The following CAMK2B variants were observed in gnomAD, a reference collection of about 807,000 sequenced individuals.
CAMK2B encodes the protein calcium/calmodulin dependent protein kinase II beta.
In CAMK2B, 27 loss-of-function variants were observed where a neutral mutation model predicts 93.7. The observed-to-expected ratio is 0.29, with a 90% CI of 0.21 to 0.40. The LOEUF is 0.40. Ranked by LOEUF, CAMK2B falls within the 10% of genes least tolerant of loss-of-function variation. The pLI, the probability that CAMK2B is intolerant of heterozygous loss-of-function variation, is 1.00. For synonymous variants in CAMK2B, 374 were observed against 358.8 expected, an observed-to-expected ratio of 1.04 and a Z score of -0.48; for missense variants, 568 against 895.8, an observed-to-expected ratio of 0.63 and a Z score of 4.67.
rs181059056 is a variant in CAMK2B at position 44,251,427 on chromosome 7, G to A, written c.341+3115C>T. On this transcript the variant is annotated intron_variant, in intron 5 of 23. Coordinates refer to ENST00000395749, the MANE Select transcript of CAMK2B (RefSeq NM_001220.5). ...CAAAGCCACCGTGGCCCCAGGCAGG[G>A]CACGAGGCTCACCCAGAAAGAAAGG... 5.3e-5 allele frequency among the ~76,000 whole-genome samples: 8 copies of A among 152,326 alleles called. No homozygotes were observed. The East Asian group carries it at 1.5e-3, about 29-fold the overall frequency.
intron 5 of CAMK2B, among the ~76,000 whole-genome samples, 170 bp downstream of exon 5, chr7:44,254,372 C>T (rs536130554): frequency 1.1e-4 from 17 of 152,198 alleles, no homozygotes; most frequent in Admixed American, 5.2e-4. Flanking sequence ...CTTGGCTCTG[C>T]GCTGAGGTTA....
rs1358996875 is a variant in CAMK2B, at chr7:44,218,590, G to C, written c.*935C>G. The C allele has an allele frequency of 6.6e-6, 1 of 152,360 alleles. No individual in the cohort carries two copies. The highest frequency in any genetic ancestry group is 1.9e-4 in the East Asian group (1 of 5,190). The allele number at this position is 152,360 out of a possible 1,614,324, so 9.4% of individuals were successfully genotyped here. On this transcript the variant is annotated 3_prime_UTR_variant, in exon 24 of 24. Transcript: ENST00000395749. ...CATCTGCTGCTGGCCAGCAGAGAAG[G>C]GACAGACACCTCACACAGGAGGGGG...
chr7:44,268,239 C>CAGG (rs2129050964), intron 2 of CAMK2B: 1 of 152,562 alleles, frequency 6.6e-6, no homozygotes, highest in East Asian at 1.9e-4. Flanking sequence ...CGCTGAAGCG[C>CAGG]AGGGGCTCTC....
At chr7:44,234,320 C>G in intron 15 of CAMK2B, 70 bp downstream of exon 15, 1 of 1,388,690 alleles carries the variant, frequency 7.2e-7, no homozygotes, top group East Asian at 2.5e-5. Flanking sequence ...CCGGCCCCCT[C>G]TGACCAGCGG....
rs2096366614 is a variant in CAMK2B at position 44,219,217 on chromosome 7, T to G, written c.*308A>C. On this transcript the variant is annotated 3_prime_UTR_variant, in exon 24 of 24. Transcript: ENST00000395749. ...AGCACAGACGGACACACGTGGAGCT[T>G]GGGTGGGGAGTGGCCCCACGAATGC... 1 of 151,130 alleles carries G rather than the reference T, an allele frequency of 6.6e-6. No individual in the cohort carries two copies. Among genetic ancestry groups the G allele is most frequent in the Non-Finnish European group, 1.5e-5 (1 of 67,904 alleles). The allele number at this position is 151,130 out of a possible 1,614,324, so 9.4% of individuals were successfully genotyped here.
intron 1 of CAMK2B, among the ~76,000 whole-genome samples, chr7:44,318,051 A>G (rs78664984): frequency 0.011 from 1,745 of 152,318 alleles, 29 homozygotes; most frequent in East Asian, 0.056. Flanking sequence ...GAACCACCAC[A>G]TGGTCATCTT....
chr7:44,226,568 C>T lies in CAMK2B; in HGVS notation c.1545G>A (p.Val515=). 6.8e-7 allele frequency: 1 copy of T among 1,475,786 alleles called. No individual in the cohort carries two copies. The highest frequency in any genetic ancestry group is 8.9e-7 in the Non-Finnish European group (1 of 1,121,344). The allele number at this position is 1,475,786 out of a possible 1,614,324, so 91.4% of individuals were successfully genotyped here. The change falls in exon 20 of 24, where the codon GTG becomes GTA. Residue 515 remains valine, a synonymous_variant. Coordinates refer to ENST00000395749, the MANE Select transcript of CAMK2B (RefSeq NM_001220.5). ...GTPEAEGPSP[V]GPPPCPSPTI... is the part of the protein sequence containing the mutation. ...TCGGAGATGGGCAGGGCGGGGGCCCCACTGGCGAGGGGCCCTCGGCTTCTG... is the reference window on the plus strand; with the variant it reads ...TCGGAGATGGGCAGGGCGGGGGCCCTACTGGCGAGGGGCCCTCGGCTTCTG...
chr7:44,301,311 T>C (rs1040586456), intron 1 of CAMK2B, among the ~76,000 whole-genome samples: 4 of 152,074 alleles, frequency 2.6e-5, no homozygotes, highest in African/African-American at 9.7e-5. Flanking sequence ...TGTTTGTTTG[T>C]TTGTTTTTAG....
At chr7:44,259,720 C>A (rs1240381494) in intron 3 of CAMK2B, 1 of 152,320 alleles carries the variant, frequency 6.6e-6, no homozygotes, top group South Asian at 2.1e-4. Flanking sequence ...AACCTCAAGG[C>A]CTGCTTTTCC....
Position 44,225,947 on chromosome 7 carries a change from C to A in CAMK2B, c.1597+569G>T. On this transcript the variant is annotated intron_variant, in intron 20 of 23. Coordinates refer to ENST00000395749, the MANE Select transcript of CAMK2B (RefSeq NM_001220.5). The surrounding 1 kb of genome is among the most constrained non-coding windows in gnomAD (Gnocchi z 5.0). ...CAGACCGGGAGGTGGCCCAGCCTGG[C>A]TCCTCCCTGGCCGGGGAGGCTGCCC... The A allele has an allele frequency of 7.9e-7, 1 of 1,262,206 alleles. No individual in the cohort carries two copies. The highest frequency in any genetic ancestry group is 1.0e-6 in the Non-Finnish European group (1 of 971,684). The allele number at this position is 1,262,206 out of a possible 1,614,324, so 78.2% of individuals were successfully genotyped here.
rs2129114807 is a variant in CAMK2B at position 44,286,058 on chromosome 7, C to A, written c.66-1833G>T. Among the ~76,000 whole-genome samples the A allele has an allele frequency of 6.6e-6, 1 of 152,156 alleles. No individual in the cohort carries two copies. The highest frequency in any genetic ancestry group is 1.5e-5 in the Non-Finnish European group (1 of 67,974). On this transcript the variant is annotated intron_variant, in intron 1 of 23. Coordinates refer to ENST00000395749, the MANE Select transcript of CAMK2B (RefSeq NM_001220.5). The surrounding 1 kb of genome is among the most constrained non-coding windows in gnomAD (Gnocchi z 4.0). ...GGGAGACTGAGGTGAGGGCAAAGAC[C>A]ATGGGCTTTTTGCCTGGTCTGGCTT...
intron 1 of CAMK2B, among the ~76,000 whole-genome samples, chr7:44,316,319 T>C (rs1794822175): frequency 6.6e-6 from 1 of 152,226 alleles, no homozygotes; most frequent in African/African-American, 2.4e-5. Flanking sequence ...ACGTGGTGTA[T>C]TATATAGATT....
At position 44,225,351 on chromosome 7, in the gene CAMK2B, C is replaced by T. The variant is rs1169910668; in HGVS notation, c.1597+1165G>A. Reference sequence around the variant, plus strand: ...CAGGTGTCGGGGGTTCTGACCACTCCCAGAGGCTCTGCGGTGCACCCACCC... The same window carrying T: ...CAGGTGTCGGGGGTTCTGACCACTCTCAGAGGCTCTGCGGTGCACCCACCC... On this transcript the variant is annotated intron_variant, in intron 20 of 23. Coordinates refer to ENST00000395749, the MANE Select transcript of CAMK2B (RefSeq NM_001220.5). The surrounding 1 kb of genome is among the most constrained non-coding windows in gnomAD (Gnocchi z 5.0). Among the ~76,000 whole-genome samples the T allele has an allele frequency of 2.0e-5, 3 of 152,116 alleles. No individual in the cohort carries two copies. The highest frequency in any genetic ancestry group is 1.5e-5 in the Non-Finnish European group (1 of 68,010).
At chr7:44,262,845 G>A (rs1433471034) in intron 3 of CAMK2B, among the ~76,000 whole-genome samples, 160 bp downstream of exon 3, 1 of 152,238 alleles carries the variant, frequency 6.6e-6, no homozygotes, top group African/African-American at 2.4e-5. Context: ...GGTCAGGGGA[G>A]AAGAGGGGGC....
chr7:44,251,654 T>C (rs957282874), intron 5 of CAMK2B, among the ~76,000 whole-genome samples: 1 of 152,188 alleles, frequency 6.6e-6, no homozygotes. Flanking sequence ...AGTCTGGCTA[T>C]GGAATGCCCT....
intron 2 of CAMK2B, among the ~76,000 whole-genome samples, chr7:44,281,321 G>A (rs2097100549): frequency 6.6e-6 from 1 of 152,208 alleles, no homozygotes; most frequent in Non-Finnish European, 1.5e-5. Context: ...GGGCAGCCAC[G>A]GGACATATGA....
At chr7:44,298,194 GAC>G (rs1172859896) in intron 1 of CAMK2B, among the ~76,000 whole-genome samples, 3 of 152,162 alleles carry the variant, frequency 2.0e-5, no homozygotes, top group African/African-American at 7.2e-5. Flanking sequence ...CATAAGGACA[GAC>G]ACAGAGACTA....
At chr7:44,290,985 G>A (rs972315147) in intron 1 of CAMK2B, among the ~76,000 whole-genome samples, 3 of 152,204 alleles carry the variant, frequency 2.0e-5, no homozygotes, top group Non-Finnish European at 4.4e-5. Context: ...TTGATGTTTG[G>A]ATGTGTGCAA....
chr7:44,260,488 C>A (rs78504598), intron 3 of CAMK2B, among the ~76,000 whole-genome samples: 10,311 of 152,234 alleles, frequency 0.068, 516 homozygotes, highest in Non-Finnish European at 0.093. Context: ...TAGGGCAAGC[C>A]CAGCCCCTGC....
Sources: allele counts gnomAD v4.1 joint callset (sites outside exome capture counted in the v4.1 genomes callset), GRCh38; gene constraint gnomAD v4.1.1; non-coding constraint Gnocchi (gnomAD v3.1); transcripts MANE v1.5; gene names NCBI Gene and HGNC (gene_info 2026-07-23, HGNC 2026-07-21).